The following RABGAP1L variants were observed in gnomAD, a reference collection of about 807,000 sequenced individuals.
The protein encoded by RABGAP1L is RAB GTPase activating protein 1 like.
Under a neutral mutation model 137.7 loss-of-function variants are expected in RABGAP1L, and 63 were observed. The observed-to-expected ratio is 0.46, with a 90% CI of 0.37 to 0.56. The LOEUF (loss-of-function observed/expected upper bound fraction) is 0.56, where lower values mean the gene tolerates loss of function less well. RABGAP1L is among the 20% of genes least tolerant of loss of function. The pLI, the probability that RABGAP1L is intolerant of heterozygous loss-of-function variation, is 0.00. For missense variants in RABGAP1L, 1,095 were observed against 1,244.0 expected (o/e 0.88, Z 1.80); for synonymous variants, 431 against 433.7 (o/e 0.99, Z 0.08).
chr1:174,161,761 C>T (rs986280908), intron 1 of RABGAP1L, among the ~76,000 whole-genome samples: 1 of 149,288 alleles, frequency 6.7e-6, no homozygotes, highest in Non-Finnish European at 1.5e-5. Flanking sequence ...CAAGGTCTCG[C>T]TCTGGCGCCC....
chr1:174,661,200 G>A (rs1676345711), intron 14 of RABGAP1L, among the ~76,000 whole-genome samples: 1 of 152,110 alleles, frequency 6.6e-6, no homozygotes, highest in Non-Finnish European at 1.5e-5. Flanking sequence ...TTACTGTTCT[G>A]GGCTGTATAT....
In RABGAP1L at chr1:174,539,755, G is replaced by A. The variant is rs146674005; in HGVS notation, c.1711-97620G>A. On this transcript the variant is annotated intron_variant, in intron 13 of 25. Transcript: ENST00000681986. The stretch of plus-strand genomic sequence containing the variant: ...GTGAATAGTGCCACAATAAACATAC[G>A]TATGCATGTGTCTTTATAACAGCAT... 2.3e-3 allele frequency among the ~76,000 whole-genome samples: 346 copies of A among 152,286 alleles called. 2 individuals are homozygous for A. The highest frequency in any genetic ancestry group is 7.2e-3 in the African/African-American group (301 of 41,570).
Position 174,344,179 on chromosome 1 carries a change from T to C in RABGAP1L, c.1466-26800T>C, listed in dbSNP as rs57113250. On this transcript the variant is annotated intron_variant, in intron 11 of 25. Transcript: ENST00000681986. ...AGTTTGTCAGGAATGTTAAGGTATATAGGGTGTCTAAAAGCATATAGTACT... is the reference window on the plus strand; with the variant it reads ...AGTTTGTCAGGAATGTTAAGGTATACAGGGTGTCTAAAAGCATATAGTACT... Among the ~76,000 whole-genome samples the C allele has an allele frequency of 3.1e-3, 471 of 152,328 alleles. 17 individuals carry two copies. The East Asian group carries it at 0.084, about 27-fold the overall frequency.
intron 9 of RABGAP1L, 79 bp from the exon 10 acceptor site, chr1:174,278,534 T>C: frequency 1.7e-6 from 2 of 1,143,004 alleles, no homozygotes; most frequent in Admixed American, 2.3e-5. Context: ...CTTTAATTCT[T>C]TCATAAGTGA....
At chr1:174,579,881 T>G (rs755013080) in intron 13 of RABGAP1L, among the ~76,000 whole-genome samples, 3 of 152,074 alleles carry the variant, frequency 2.0e-5, no homozygotes, top group Non-Finnish European at 4.4e-5. Flanking sequence ...CCTGCCTCAG[T>G]CTCCTGAGTA....
intron 11 of RABGAP1L, among the ~76,000 whole-genome samples, chr1:174,319,699 T>C (rs892692350): frequency 6.6e-6 from 1 of 152,210 alleles, no homozygotes. Context: ...AGGTGTTCTT[T>C]ATCAAGGTGA....
intron 13 of RABGAP1L, among the ~76,000 whole-genome samples, chr1:174,534,758 G>A (rs1664747641): frequency 9.5e-6 from 1 of 105,338 alleles, no homozygotes; most frequent in Non-Finnish European, 1.8e-5. Flanking sequence ...TTGGATGACA[G>A]AGCGAAACTC....
At chr1:174,571,797 ATTATGTAG>A (rs530391824) in intron 13 of RABGAP1L, among the ~76,000 whole-genome samples, 216 of 152,288 alleles carry the variant, frequency 1.4e-3, no homozygotes, top group African/African-American at 4.9e-3. Flanking sequence ...TTCATTACGA[ATTATGTAG>A]TTTCCGTGCT....
At chr1:174,672,428 T>G (rs1001154381) in intron 14 of RABGAP1L, among the ~76,000 whole-genome samples, 7 of 151,662 alleles carry the variant, frequency 4.6e-5, no homozygotes, top group African/African-American at 1.7e-4. Flanking sequence ...TTACAGGTTT[T>G]TGTTTGTTTT....
chr1:174,783,707 C>CTTTTTTTTTTTTTTTTTTTTTTTTTT (rs34367315), intron 18 of RABGAP1L, among the ~76,000 whole-genome samples: 5 of 102,476 alleles, frequency 4.9e-5, no homozygotes, highest in Non-Finnish European at 7.7e-5. Flanking sequence ...TCTTCTTCTT[C>CTTTTTTTTTTTTTTTTTTTTTTTTTT]TTTTTTTTTT....
At chr1:174,853,879 T>G (rs753609627) in intron 19 of RABGAP1L, among the ~76,000 whole-genome samples, 1 of 152,204 alleles carries the variant, frequency 6.6e-6, no homozygotes, top group Non-Finnish European at 1.5e-5. Flanking sequence ...CATGTTTGGC[T>G]CTCTCTGCAT....
At chr1:174,419,754 G>T (rs1651034965) in intron 13 of RABGAP1L, among the ~76,000 whole-genome samples, 1 of 152,126 alleles carries the variant, frequency 6.6e-6, no homozygotes. Flanking sequence ...TATGCTTTAT[G>T]TAACAACTAA....
intron 19 of RABGAP1L, among the ~76,000 whole-genome samples, chr1:174,905,571 C>G (rs1271221663): frequency 1.3e-5 from 2 of 152,114 alleles, no homozygotes; most frequent in African/African-American, 2.4e-5. Context: ...ACAGAGAAGT[C>G]TGGGTGTGGT....
At chr1:174,858,293 C>T (rs1649654303) in intron 19 of RABGAP1L, among the ~76,000 whole-genome samples, 1 of 152,174 alleles carries the variant, frequency 6.6e-6, no homozygotes. Flanking sequence ...ATTGGAATTA[C>T]AGGCATAAGC....
chr1:174,353,202 G>A (rs908905212), intron 11 of RABGAP1L, among the ~76,000 whole-genome samples: 4 of 152,132 alleles, frequency 2.6e-5, no homozygotes, highest in Admixed American at 6.6e-5. Context: ...ATCTGAGAGC[G>A]AGGGCCTGGA....
intron 17 of RABGAP1L, among the ~76,000 whole-genome samples, chr1:174,746,195 G>A (rs1558040155): frequency 6.6e-6 from 1 of 152,178 alleles, no homozygotes; most frequent in African/African-American, 2.4e-5. Context: ...AAGATTGTGG[G>A]TGCTTAATCC....
rs751796668 is a variant in RABGAP1L, at chr1:174,221,078, A to G, written c.245A>G (p.Glu82Gly). 10 of 1,613,988 alleles carry G rather than the reference A, an allele frequency of 6.2e-6. No individual in the cohort carries two copies. The East Asian group carries it at 8.9e-5, about 14-fold the overall frequency. ...CTTGTTGATTGTCAAAGTTCCAGTGAGATTTCAGACCATTCGTTTGGAGAT... is the reference window on the plus strand; with the variant it reads ...CTTGTTGATTGTCAAAGTTCCAGTGGGATTTCAGACCATTCGTTTGGAGAT... Reference protein sequence around the residue: ...SLLVDCQSSSEISDHSFGDIP... With the variant: ...SLLVDCQSSSGISDHSFGDIP... The change falls in exon 3 of 26, where the codon GAG becomes GGG. Residue 82 changes from glutamate (E) to glycine (G), a missense_variant. Glu to Gly is a moderately conservative substitution (Grantham distance 98). This residue lies in a region of RABGAP1L where 356 missense variants were observed against 326.3 expected (regional missense o/e 1.09). Coordinates refer to ENST00000681986, the MANE Select transcript of RABGAP1L (RefSeq NM_001366446.1).
At chr1:174,975,715 C>T (rs1032501686) in intron 21 of RABGAP1L, among the ~76,000 whole-genome samples, 12 of 152,206 alleles carry the variant, frequency 7.9e-5, no homozygotes, top group African/African-American at 2.9e-4. Context: ...GCTGTAACAT[C>T]TAAAAATCTG....
chr1:174,640,894 G>T (rs1674476987), intron 14 of RABGAP1L, among the ~76,000 whole-genome samples: 1 of 148,612 alleles, frequency 6.7e-6, no homozygotes, highest in African/African-American at 2.5e-5. Flanking sequence ...CTTCACATCA[G>T]CAACACAATT....
Sources: gnomAD v4.1 joint callset for allele counts (sites outside exome capture counted in the v4.1 genomes callset) on GRCh38, gnomAD v4.1.1 for gene constraint, gnomAD v4.1.1 regional missense constraint, MANE v1.5 for transcripts, NCBI Gene and HGNC (gene_info 2026-07-23, HGNC 2026-07-21) for gene names.